The following GPHN variants were observed in gnomAD, a reference collection of about 807,000 sequenced individuals.
GPHN encodes gephyrin.
In GPHN, 17 loss-of-function variants were observed where a neutral mutation model predicts 95.5. The observed-to-expected ratio is 0.18, with a 90% confidence interval of 0.12 to 0.27. GPHN has a LOEUF of 0.27. GPHN is among the 10% of genes least tolerant of loss of function. The pLI is 1.00. For missense variants in GPHN, 660 were observed against 978.1 expected, an observed-to-expected ratio of 0.67 and a Z score of 4.34; for synonymous variants, 320 against 322.5, an observed-to-expected ratio of 0.99 and a Z score of 0.08.
Position 66,841,023 on chromosome 14 carries a change from ATATAGATATAGG to A in GPHN, c.294+16469_294+16480del, listed in dbSNP as rs1167247287. On this transcript the variant is annotated intron_variant, in intron 4 of 22. Coordinates refer to ENST00000478722, the MANE Select transcript of GPHN (RefSeq NM_020806.5). ...GATATAGATATAGATATAGATATAG[ATATAGATATAGG>A]TATAGATATAGATATATACATGCCA... Among the ~76,000 whole-genome samples, 180 of 88,400 alleles carry A rather than the reference ATATAGATATAGG, an allele frequency of 2.0e-3. 3 individuals carry two copies. The highest frequency in any genetic ancestry group is 6.1e-3 in the African/African-American group (168 of 27,604). The allele number at this position is 88,400 out of a possible 152,430, so 58.0% of individuals were successfully genotyped here. A position where few individuals can be genotyped will look rare whatever the true frequency, so the allele number is the denominator to read the frequency against.
At chr14:67,057,094 G>T (rs535754225) in intron 10 of GPHN, among the ~76,000 whole-genome samples, 1 of 152,278 alleles carries the variant, frequency 6.6e-6, no homozygotes, top group South Asian at 2.1e-4. Context: ...GAGGGAGCCG[G>T]CTCTGGCCTC....
rs114144718 is a variant in GPHN, at chr14:67,101,708, A to G, written c.1293+797A>G. On this transcript the variant is annotated intron_variant, in intron 13 of 22. Transcript: ENST00000478722. ...AAGAGCAGAATCCTTTTAGGGTTTT[A>G]TTATATTTTACACTCTTTTAGTTTC... Among the ~76,000 whole-genome samples, 835 of 151,718 alleles carry G rather than the reference A, an allele frequency of 5.5e-3. 3 individuals are homozygous for G. The highest frequency in any genetic ancestry group is 0.019 in the African/African-American group (798 of 41,524).
intron 3 of GPHN, among the ~76,000 whole-genome samples, chr14:66,785,237 A>G (rs552549672): frequency 2.3e-3 from 343 of 152,268 alleles, no homozygotes; most frequent in African/African-American, 7.7e-3. Context: ...ATGGTGGCAC[A>G]TGCCTGTAGT....
intron 10 of GPHN, among the ~76,000 whole-genome samples, chr14:67,040,022 A>C (rs192086775): frequency 6.6e-6 from 1 of 152,298 alleles, no homozygotes; most frequent in Non-Finnish European, 1.5e-5. Context: ...ATGTATATAA[A>C]TAAGTATAAT....
chr14:67,483,546 T>A, the GPHN span, among the ~76,000 whole-genome samples: 1 of 152,200 alleles, frequency 6.6e-6, no homozygotes, highest in Non-Finnish European at 1.5e-5. Flanking sequence ...ATTAACAAAC[T>A]TCCCAACTGG....
At chr14:67,413,225 TTCTG>T in the GPHN span, among the ~76,000 whole-genome samples, 1 of 152,212 alleles carries the variant, frequency 6.6e-6, no homozygotes, top group Non-Finnish European at 1.5e-5. Flanking sequence ...ATAGTACTGA[TTCTG>T]TCTAACAATC....
At chr14:67,449,752 G>C in the GPHN span, among the ~76,000 whole-genome samples, 1 of 152,106 alleles carries the variant, frequency 6.6e-6, no homozygotes, top group African/African-American at 2.4e-5. Context: ...GGTATTTCTC[G>C]TGCTGTTCTT....
chr14:66,609,970 G>T (rs1466801130), intron 1 of GPHN, among the ~76,000 whole-genome samples: 9 of 152,096 alleles, frequency 5.9e-5, no homozygotes, highest in Admixed American at 5.9e-4. Flanking sequence ...TTGCTGGGGA[G>T]CTTCTGCACT....
At chr14:66,546,266 AGAC>A (rs980531641) in intron 1 of GPHN, among the ~76,000 whole-genome samples, 1 of 150,224 alleles carries the variant, frequency 6.7e-6, no homozygotes, top group African/African-American at 2.5e-5. Context: ...GGCCGGGCAG[AGAC>A]GCTCCTCACT....
At chr14:67,358,185 G>C in the GPHN span, among the ~76,000 whole-genome samples, 1 of 152,134 alleles carries the variant, frequency 6.6e-6, no homozygotes, top group Non-Finnish European at 1.5e-5. Context: ...TTTCAGTGCA[G>C]AAGTTTTGAC....
chr14:67,481,221 T>G, the GPHN span, among the ~76,000 whole-genome samples: 1 of 152,114 alleles, frequency 6.6e-6, no homozygotes, highest in South Asian at 2.1e-4. Context: ...AGTTTGAGGC[T>G]ACAGTGAGCT....
chr14:67,607,850 A>G, the GPHN span, among the ~76,000 whole-genome samples: 1 of 152,194 alleles, frequency 6.6e-6, no homozygotes, highest in Non-Finnish European at 1.5e-5. Flanking sequence ...GTGTAGTACA[A>G]TGTAACTCTC....
chr14:66,689,192 T>C (rs1442480316), intron 2 of GPHN, among the ~76,000 whole-genome samples: 1 of 152,212 alleles, frequency 6.6e-6, no homozygotes, highest in Non-Finnish European at 1.5e-5. Flanking sequence ...ATATGGCTTT[T>C]GTTGTGTTGA....
intron 1 of GPHN, among the ~76,000 whole-genome samples, chr14:66,591,304 A>G (rs1475400585): frequency 1.3e-5 from 2 of 152,238 alleles, no homozygotes; most frequent in African/African-American, 2.4e-5. Context: ...AGTTCTGGCC[A>G]GGGCAATCAG....
At chr14:67,348,223 C>T in the GPHN span, among the ~76,000 whole-genome samples, 2,628 of 151,498 alleles carry the variant, frequency 0.017, 33 homozygotes, top group Middle Eastern at 0.031. Flanking sequence ...TACAGGCATG[C>T]GCTACCACGT....
At chr14:66,809,216 G>A (rs1300965855) in intron 3 of GPHN, among the ~76,000 whole-genome samples, 1 of 152,170 alleles carries the variant, frequency 6.6e-6, no homozygotes, top group African/African-American at 2.4e-5. Flanking sequence ...CAATCTAGGT[G>A]AATGATGATA....
At chr14:66,842,844 T>G (rs930833387) in intron 4 of GPHN, 1 of 691,714 alleles carries the variant, frequency 1.4e-6, no homozygotes, top group Non-Finnish European at 2.5e-6. Context: ...TTGTGGATTG[T>G]TATGTATCTA....
rs549675253 is a variant in GPHN at position 67,144,387 on chromosome 14, A to G, written c.1836+938A>G. 5.8e-4 allele frequency among the ~76,000 whole-genome samples: 87 copies of G among 149,586 alleles called. 3 individuals carry two copies. Among genetic ancestry groups the G allele is most frequent in the African/African-American group, 2.1e-3 (84 of 40,590 alleles). On this transcript the variant is annotated intron_variant, in intron 18 of 22. Coordinates refer to ENST00000478722, the MANE Select transcript of GPHN (RefSeq NM_020806.5). The stretch of plus-strand genomic sequence containing the variant: ...ACAATTTGAATATTTCAGTAACACT[A>G]AGTTTACATTTCTTAATGAAATGTG...
At chr14:67,468,725 C>T in the GPHN span, among the ~76,000 whole-genome samples, 1 of 152,066 alleles carries the variant, frequency 6.6e-6, no homozygotes, top group Non-Finnish European at 1.5e-5. Context: ...AAAACCCCGT[C>T]TCTACTAAAA....
Sources: allele counts gnomAD v4.1 joint callset (sites outside exome capture counted in the v4.1 genomes callset), GRCh38; gene constraint gnomAD v4.1.1; transcripts MANE v1.5; gene names NCBI Gene and HGNC (gene_info 2026-07-23, HGNC 2026-07-21).